The following ITGB8 variants were observed in gnomAD, a reference collection of about 807,000 sequenced individuals.
The protein encoded by ITGB8 is integrin subunit beta 8.
ITGB8 carries 30 observed loss-of-function variants against 89.5 expected under a neutral mutation model. That is an observed-to-expected ratio of 0.34 (90% CI 0.25 to 0.45). ITGB8 has a LOEUF of 0.45. ITGB8 is among the 20% of genes least tolerant of loss of function. ITGB8 has a pLI of 1.00. For synonymous variants in ITGB8, 335 were observed against 320.4 expected (o/e 1.05, Z -0.49); for missense variants, 836 against 933.3 (o/e 0.90, Z 1.36).
In ITGB8 at chr7:20,414,031, C is replaced by T. The variant is rs2127991063; in HGVS notation, c.*4034C>T. 6.6e-6 allele frequency: 1 copy of T among 152,080 alleles called. No individual in the cohort carries two copies. The highest frequency in any genetic ancestry group is 2.1e-4 in the South Asian group (1 of 4,816). The allele number at this position is 152,080 out of a possible 1,614,324, so 9.4% of individuals were successfully genotyped here. ...ATTATACATATCCATATTTATATTTCATTGATTCCAAGACATCACTTTTTC... is the reference window on the plus strand; with the variant it reads ...ATTATACATATCCATATTTATATTTTATTGATTCCAAGACATCACTTTTTC... On this transcript the variant is annotated 3_prime_UTR_variant, in exon 14 of 14. Transcript: ENST00000222573.
At chr7:20,353,683 C>T (rs1327542619) in intron 1 of ITGB8, among the ~76,000 whole-genome samples, 3 of 151,760 alleles carry the variant, frequency 2.0e-5, no homozygotes, top group African/African-American at 7.3e-5. Context: ...CCTGTAATCC[C>T]AGCACTTTGG....
intron 12 of ITGB8, among the ~76,000 whole-genome samples, chr7:20,406,842 T>G (rs147315581): frequency 1.1e-4 from 16 of 152,330 alleles, no homozygotes; most frequent in African/African-American, 3.8e-4. Context: ...TTCCATACAC[T>G]TTTCATTATG....
intron 1 of ITGB8, chr7:20,352,602 C>T (rs1235419912): frequency 1.3e-5 from 2 of 152,168 alleles, no homozygotes; most frequent in Non-Finnish European, 2.9e-5. Context: ...TTCTGCATTT[C>T]GCCTATCCTT....
chr7:20,403,448 G>T (rs988991439), intron 10 of ITGB8, among the ~76,000 whole-genome samples: 2 of 152,232 alleles, frequency 1.3e-5, no homozygotes, highest in African/African-American at 4.8e-5. Context: ...CCCACAAGCA[G>T]TTGAGAATCT....
chr7:20,338,423 T>C (rs1784645017), intron 1 of ITGB8, among the ~76,000 whole-genome samples: 1 of 151,974 alleles, frequency 6.6e-6, no homozygotes, highest in Admixed American at 6.6e-5. Context: ...TGTCAGGAGT[T>C]CGAGACCAGC....
At chr7:20,377,552 A>G (rs1318582232) in intron 3 of ITGB8, among the ~76,000 whole-genome samples, 2 of 152,224 alleles carry the variant, frequency 1.3e-5, no homozygotes, top group Non-Finnish European at 2.9e-5. Context: ...TTCTCCACTC[A>G]AATTGCAGAA....
At chr7:20,353,075 G>C (rs1443252930) in intron 1 of ITGB8, 1 of 152,170 alleles carries the variant, frequency 6.6e-6, no homozygotes, top group Non-Finnish European at 1.5e-5. Context: ...TCATGACCTA[G>C]AGTTTTGATT....
intron 1 of ITGB8, among the ~76,000 whole-genome samples, chr7:20,356,671 T>A (rs1785305757): frequency 6.6e-6 from 1 of 152,224 alleles, no homozygotes; most frequent in Non-Finnish European, 1.5e-5. Context: ...CCAGAATGAT[T>A]GATTCTAAAT....
intron 9 of ITGB8, 75 bp downstream of exon 9, chr7:20,399,069 C>T (rs778964980): frequency 1.2e-5 from 18 of 1,484,942 alleles, no homozygotes; most frequent in Non-Finnish European, 1.5e-5. Flanking sequence ...AAAAGCAAAC[C>T]ATTCTGAAAA....
At chr7:20,343,520 G>A (rs1418765609) in intron 1 of ITGB8, among the ~76,000 whole-genome samples, 1 of 152,094 alleles carries the variant, frequency 6.6e-6, no homozygotes, top group East Asian at 1.9e-4. Flanking sequence ...ACAAGCAGGT[G>A]CCCTATCCCT....
intron 3 of ITGB8, among the ~76,000 whole-genome samples, chr7:20,375,775 T>C (rs936547676): frequency 6.6e-6 from 1 of 152,182 alleles, no homozygotes; most frequent in African/African-American, 2.4e-5. Context: ...CAACTAAAAA[T>C]ATCTGGAGAG....
intron 3 of ITGB8, among the ~76,000 whole-genome samples, chr7:20,367,903 C>T (rs906456977): frequency 1.2e-4 from 19 of 152,294 alleles, no homozygotes; most frequent in African/African-American, 4.6e-4. Context: ...GGTGTAAAAA[C>T]TACATGTAGT....
chr7:20,346,719 G>A, intron 1 of ITGB8: 1 of 985,362 alleles, frequency 1.0e-6, no homozygotes, highest in Non-Finnish European at 1.2e-6. Flanking sequence ...CTTGACTCCA[G>A]ATGATTAAAG....
At chr7:20,355,563 G>A (rs9654959) in intron 1 of ITGB8, among the ~76,000 whole-genome samples, 12,679 of 152,190 alleles carry the variant, frequency 0.083, 716 homozygotes, top group Middle Eastern at 0.17. Context: ...AGATAGAGAG[G>A]AATCCAAACT....
At chr7:20,364,886 G>A (rs1426544589) in intron 2 of ITGB8, 3 of 152,126 alleles carry the variant, frequency 2.0e-5, no homozygotes, top group Non-Finnish European at 4.4e-5. Context: ...CCCCAAACCA[G>A]TACTTCATTT....
At chr7:20,382,360 T>C (rs1476958135) in intron 6 of ITGB8, among the ~76,000 whole-genome samples, 3 of 152,214 alleles carry the variant, frequency 2.0e-5, no homozygotes, top group Non-Finnish European at 4.4e-5. Flanking sequence ...TGTTTTGTAC[T>C]TTACCTCTCT....
chr7:20,329,959 G>C (rs965950994), upstream of ITGB8, among the ~76,000 whole-genome samples: 10 of 152,076 alleles, frequency 6.6e-5, no homozygotes, highest in Admixed American at 6.5e-4. Context: ...CTAAATTTCT[G>C]AGCTGCAAGC....
chr7:20,338,351 T>C (rs906332562), intron 1 of ITGB8, among the ~76,000 whole-genome samples: 1 of 152,160 alleles, frequency 6.6e-6, no homozygotes, highest in Non-Finnish European at 1.5e-5. Flanking sequence ...TGGGGGCCGG[T>C]TGCAGTGGCT....
intron 1 of ITGB8, among the ~76,000 whole-genome samples, chr7:20,339,527 T>C (rs1468310298): frequency 2.6e-5 from 4 of 152,192 alleles, no homozygotes; most frequent in Non-Finnish European, 5.9e-5. Context: ...GATCAATTCT[T>C]GCTAGGAAAC....
Sources: gnomAD v4.1 joint callset for allele counts (sites outside exome capture counted in the v4.1 genomes callset) on GRCh38, gnomAD v4.1.1 for gene constraint, MANE v1.5 for transcripts, NCBI Gene and HGNC (gene_info 2026-07-23, HGNC 2026-07-21) for gene names.